The following TMEM132C variants were observed in gnomAD, a reference collection of about 807,000 sequenced individuals.
TMEM132C encodes the protein protein phosphatase 1, regulatory subunit 152.
In TMEM132C, 29 loss-of-function variants were observed where a neutral mutation model predicts 61.4. That is an observed-to-expected ratio of 0.47 (90% CI 0.35 to 0.64). The LOEUF (loss-of-function observed/expected upper bound fraction) is 0.64. TMEM132C is among the 30% of genes least tolerant of loss of function. TMEM132C has a pLI of 0.00. For missense variants in TMEM132C, 1,408 were observed against 1,476.9 expected, an observed-to-expected ratio of 0.95 and a Z score of 0.76; for synonymous variants, 656 against 633.1, an observed-to-expected ratio of 1.04 and a Z score of -0.54.
In TMEM132C at chr12:128,267,453, G is replaced by A. The variant is rs1234660349; in HGVS notation, c.51G>A (p.Ala17=). ...GGCCGGCGGCGCCGCTGTGCGGGGC[G>A]CTGAGCCTGCTGCTGGGCGCGCTGC... ...APGPAAPLCG[A]LSLLLGALLG... Residue 17 remains alanine, a synonymous_variant, in exon 1 of 9, where the codon GCG becomes GCA. Transcript: ENST00000435159. 7.9e-7 allele frequency: 1 copy of A among 1,267,710 alleles called. No homozygotes were observed. 78.5% of individuals were successfully genotyped at this position (1,267,710 alleles called of 1,614,324 possible).
chr12:128,618,065 A>G, intron 4 of TMEM132C, among the ~76,000 whole-genome samples: 1 of 152,218 alleles, frequency 6.6e-6, no homozygotes, highest in African/African-American at 2.4e-5. Context: ...GTTGGCTCAT[A>G]AACTCTGAAA....
chr12:128,515,122 A>G (rs996315785), intron 2 of TMEM132C, among the ~76,000 whole-genome samples: 1 of 152,226 alleles, frequency 6.6e-6, no homozygotes, highest in African/African-American at 2.4e-5. Flanking sequence ...AGTGGACTTC[A>G]TCGGTCAGCT....
At chr12:128,432,174 G>A (rs11059692) in intron 2 of TMEM132C, among the ~76,000 whole-genome samples, 56,537 of 152,142 alleles carry the variant, frequency 0.37, 10,666 homozygotes, top group South Asian at 0.48. Flanking sequence ...GATATGTGCA[G>A]GGGGATGAAT....
At chr12:128,366,569 C>T (rs917004726) in intron 1 of TMEM132C, among the ~76,000 whole-genome samples, 3 of 152,136 alleles carry the variant, frequency 2.0e-5, no homozygotes, top group Non-Finnish European at 4.4e-5. Flanking sequence ...CCCTTGTCTC[C>T]CACCCTGTTC....
chr12:128,552,002 C>T (rs1276023331), intron 3 of TMEM132C, among the ~76,000 whole-genome samples: 1 of 152,244 alleles, frequency 6.6e-6, no homozygotes, highest in East Asian at 1.9e-4. Context: ...TTTCTTTAAA[C>T]TGTGGGCATA....
chr12:128,546,668 G>T (rs930865045), intron 3 of TMEM132C, among the ~76,000 whole-genome samples: 2 of 152,168 alleles, frequency 1.3e-5, no homozygotes, highest in African/African-American at 4.8e-5. Context: ...ACTGCAGATG[G>T]TTAGACCCCA....
chr12:128,572,203 A>C (rs1874912331), intron 3 of TMEM132C, among the ~76,000 whole-genome samples: 1 of 149,088 alleles, frequency 6.7e-6, no homozygotes, highest in African/African-American at 2.5e-5. Context: ...ACTGTGCCAC[A>C]CTGCTGGCCT....
At chr12:128,510,787 A>G (rs931490852) in intron 2 of TMEM132C, among the ~76,000 whole-genome samples, 1 of 152,180 alleles carries the variant, frequency 6.6e-6, no homozygotes, top group Non-Finnish European at 1.5e-5. Flanking sequence ...CTGGGAGGGG[A>G]AGCACCTCAG....
chr12:128,520,252 C>G (rs1254384938), intron 2 of TMEM132C, among the ~76,000 whole-genome samples: 1 of 152,190 alleles, frequency 6.6e-6, no homozygotes, highest in African/African-American at 2.4e-5. Context: ...CCTGCATGCT[C>G]TTGGTCAGTG....
At chr12:128,653,738 C>G (rs1954296376) in intron 4 of TMEM132C, among the ~76,000 whole-genome samples, 1 of 152,152 alleles carries the variant, frequency 6.6e-6, no homozygotes, top group Admixed American at 6.5e-5. Context: ...GGAACAGCAC[C>G]TGGTACTTGA....
chr12:128,376,277 A>T (rs749079689), intron 1 of TMEM132C, among the ~76,000 whole-genome samples: 1 of 152,158 alleles, frequency 6.6e-6, no homozygotes, highest in Non-Finnish European at 1.5e-5. Context: ...TCTTCTTCTG[A>T]TTTATGAAGG....
chr12:128,497,259 A>G (rs1458565477), intron 2 of TMEM132C, among the ~76,000 whole-genome samples: 5 of 152,208 alleles, frequency 3.3e-5, no homozygotes, highest in Non-Finnish European at 7.3e-5. Context: ...GGTGCCTCCC[A>G]GTTAGGCTAC....
intron 3 of TMEM132C, among the ~76,000 whole-genome samples, chr12:128,595,879 C>G (rs1056873287): frequency 7.2e-5 from 11 of 152,248 alleles, no homozygotes. Flanking sequence ...AGAACGTAGC[C>G]TCCCATCACA....
chr12:128,326,656 G>A lies in TMEM132C; in HGVS notation c.85+59169G>A, dbSNP rs1872527504. On this transcript the variant is annotated intron_variant, in intron 1 of 8. Coordinates refer to ENST00000435159, the MANE Select transcript of TMEM132C (RefSeq NM_001136103.3). The surrounding 1 kb of genome is among the most constrained non-coding windows in gnomAD (Gnocchi z 5.6). ...CGTGGGTAATTAGACTGTCACTCTC[G>A]AGGAAGGGAACACTGAAGCAGGATC... is the stretch of plus-strand genomic sequence containing the variant. Among the ~76,000 whole-genome samples the A allele has an allele frequency of 2.0e-5, 3 of 152,160 alleles. No homozygotes were observed. The highest frequency in any genetic ancestry group is 2.1e-4 in the South Asian group (1 of 4,832).
chr12:128,499,114 C>G (rs1355538845), intron 2 of TMEM132C, among the ~76,000 whole-genome samples: 1 of 152,142 alleles, frequency 6.6e-6, no homozygotes, highest in Non-Finnish European at 1.5e-5. Context: ...CTCACACTTT[C>G]TGATTTCAAA....
intron 3 of TMEM132C, among the ~76,000 whole-genome samples, chr12:128,571,574 C>T (rs2136171755): frequency 6.6e-6 from 1 of 152,282 alleles, no homozygotes. Context: ...TCCCCGCAGC[C>T]CCTGGTAATG....
intron 2 of TMEM132C, among the ~76,000 whole-genome samples, chr12:128,459,552 A>T (rs1276713763): frequency 1.3e-5 from 2 of 152,106 alleles, no homozygotes; most frequent in Non-Finnish European, 2.9e-5. Flanking sequence ...CATTGGTGAA[A>T]ATAAGAAAAA....
In TMEM132C at chr12:128,489,503, G is replaced by T. The variant is rs189202447; in HGVS notation, c.975-54454G>T. Among the ~76,000 whole-genome samples the T allele has an allele frequency of 8.4e-4, 127 of 151,000 alleles. 1 individual carries two copies. Among genetic ancestry groups the T allele is most frequent in the African/African-American group, 2.8e-3 (115 of 41,248 alleles). ...AGAGCGTGAGAAGGAGTGCAGGACAGACTACTTGTGAGATTTAAAGGCAAG... is the reference window on the plus strand; with the variant it reads ...AGAGCGTGAGAAGGAGTGCAGGACATACTACTTGTGAGATTTAAAGGCAAG... On this transcript the variant is annotated intron_variant, in intron 2 of 8. Coordinates refer to ENST00000435159, the MANE Select transcript of TMEM132C (RefSeq NM_001136103.3).
chr12:128,667,901 C>A (rs1044717060), intron 4 of TMEM132C, among the ~76,000 whole-genome samples: 2 of 152,290 alleles, frequency 1.3e-5, no homozygotes, highest in South Asian at 4.2e-4. Flanking sequence ...AAATCAAAGT[C>A]CCCATTGACT....
Sources: allele counts gnomAD v4.1 joint callset (sites outside exome capture counted in the v4.1 genomes callset), GRCh38; gene constraint gnomAD v4.1.1; non-coding constraint Gnocchi (gnomAD v3.1); transcripts MANE v1.5; gene names NCBI Gene and HGNC (gene_info 2026-07-23, HGNC 2026-07-21).